The following GATAD2B variants were observed in gnomAD, a reference collection of about 807,000 sequenced individuals.
The protein encoded by GATAD2B is transcriptional repressor p66-beta.
Under a neutral mutation model 64.3 loss-of-function variants are expected in GATAD2B, and 8 were observed. The ratio of observed to expected loss-of-function variants is 0.12; its 90% CI spans 0.07 to 0.22. The LOEUF (loss-of-function observed/expected upper bound fraction) is 0.22, where lower values mean the gene tolerates loss of function less well. Among genes scored for constraint, GATAD2B ranks in the 10% least tolerant of loss-of-function variants. The probability of loss-of-function intolerance (pLI) is 1.00; values close to 1 mark genes in which losing one functional copy is unlikely to be tolerated. For missense variants in GATAD2B, 453 were observed against 752.0 expected (o/e 0.60, Z 4.65); for synonymous variants, 281 against 271.3 (o/e 1.04, Z -0.35).
rs1310200995 is a variant in GATAD2B, at chr1:153,811,847, G to A, written c.1532C>T (p.Ala511Val). The change falls in exon 10 of 11, where the codon GCT (alanine) becomes GTT (valine). Residue 511 changes from alanine to valine, a missense_variant and splice_region_variant. Around this residue, in one of 2 missense-constraint regions of GATAD2B, gnomAD observed 160 missense variants for 334.7 expected, o/e 0.48. Coordinates refer to ENST00000368655, the MANE Select transcript of GATAD2B (RefSeq NM_020699.4). The stretch of plus-strand genomic sequence containing the variant: ...CTGGAGGCTGCTCTGGGGCTGTGGA[G>A]CCTGCAATGATGAGGAGACAGTGGA... ...TIMRHHTLRQ[A>V]PQPQSSLQRG... is the part of the protein sequence containing the mutation. 6.3e-7 allele frequency: 1 copy of A among 1,596,696 alleles called. No individual in the cohort carries two copies. Among genetic ancestry groups the A allele is most frequent in the East Asian group, 2.2e-5 (1 of 44,806 alleles).
chr1:153,831,365 T>C (rs1227895127), intron 1 of GATAD2B, among the ~76,000 whole-genome samples: 3 of 152,062 alleles, frequency 2.0e-5, no homozygotes, highest in Non-Finnish European at 2.9e-5. Context: ...AAGGAGAGCA[T>C]TAGGACAAAT....
intron 1 of GATAD2B, among the ~76,000 whole-genome samples, chr1:153,838,088 C>T (rs7512766): frequency 0.27 from 41,092 of 152,048 alleles, 6,106 homozygotes; most frequent in Admixed American, 0.38. Context: ...AGAGATGTAT[C>T]CCAACTGCAA....
At chr1:153,900,280 G>T (rs977112098) in intron 1 of GATAD2B, among the ~76,000 whole-genome samples, 1 of 151,890 alleles carries the variant, frequency 6.6e-6, no homozygotes, top group African/African-American at 2.4e-5. Context: ...TTAGCTGGAC[G>T]TGGTGGCACG....
chr1:153,856,270 TA>T (rs1676079238), intron 1 of GATAD2B, among the ~76,000 whole-genome samples: 1 of 152,168 alleles, frequency 6.6e-6, no homozygotes, highest in South Asian at 2.1e-4. Context: ...AAACGGAACA[TA>T]TTCACAGGTT....
intron 1 of GATAD2B, among the ~76,000 whole-genome samples, chr1:153,856,511 T>C (rs909865568): frequency 6.6e-6 from 1 of 152,236 alleles, no homozygotes; most frequent in African/African-American, 2.4e-5. Flanking sequence ...TCTATTTTTC[T>C]ATATGCTTAA....
chr1:153,903,284 T>C (rs1463723583), intron 1 of GATAD2B, among the ~76,000 whole-genome samples: 1 of 151,410 alleles, frequency 6.6e-6, no homozygotes, highest in Non-Finnish European at 1.5e-5. Context: ...CAGACCCAAG[T>C]TTTCTCTCTA....
At chr1:153,827,758 C>G (rs1570937666) in intron 2 of GATAD2B, 5 of 517,860 alleles carry the variant, frequency 9.7e-6, no homozygotes, top group East Asian at 9.5e-5. Flanking sequence ...CCTATCAGCT[C>G]TCTAGTGCCC....
intron 1 of GATAD2B, among the ~76,000 whole-genome samples, chr1:153,838,491 G>A (rs1675353287): frequency 6.6e-6 from 1 of 151,990 alleles, no homozygotes; most frequent in Non-Finnish European, 1.5e-5. Context: ...ACTGCAAAGA[G>A]ACGCGCCCTG....
At position 153,820,974 on chromosome 1, in the gene GATAD2B, A is replaced by ATTTTT. The variant is rs869096882; in HGVS notation, c.336-1244_336-1240dup. On this transcript the variant is annotated intron_variant, in intron 2 of 10. Transcript: ENST00000368655. The stretch of plus-strand genomic sequence containing the variant: ...GTCCTAGTTGCTGTTGGCACATGGA[A>ATTTTT]TTTTTTTTTTTTTTTTTTTTTTTTT... Among the ~76,000 whole-genome samples the ATTTTT allele has an allele frequency of 2.2e-3, 114 of 50,864 alleles. 8 individuals carry two copies. The highest frequency in any genetic ancestry group is 9.6e-3 in the African/African-American group (111 of 11,558). The allele number at this position is 50,864 out of a possible 152,430, so 33.4% of individuals were successfully genotyped here.
At chr1:153,911,035 G>A (rs1164037104) in intron 1 of GATAD2B, among the ~76,000 whole-genome samples, 3 of 152,032 alleles carry the variant, frequency 2.0e-5, no homozygotes, top group Non-Finnish European at 2.9e-5. Context: ...AAAATATTTC[G>A]GTTCACAGAA....
intron 1 of GATAD2B, among the ~76,000 whole-genome samples, chr1:153,850,026 A>G (rs1675833475): frequency 6.6e-6 from 1 of 152,110 alleles, no homozygotes; most frequent in Non-Finnish European, 1.5e-5. Context: ...ACTCTTATTC[A>G]TGGTAAATGA....
intron 1 of GATAD2B, among the ~76,000 whole-genome samples, chr1:153,858,991 G>A (rs1289103077): frequency 6.6e-6 from 1 of 152,124 alleles, no homozygotes; most frequent in Non-Finnish European, 1.5e-5. Flanking sequence ...GTCACAGCAA[G>A]GATGTTGCTT....
intron 1 of GATAD2B, among the ~76,000 whole-genome samples, chr1:153,837,458 A>T (rs1675314233): frequency 6.6e-6 from 1 of 152,052 alleles, no homozygotes; most frequent in African/African-American, 2.4e-5. Context: ...ATGGGAACAG[A>T]GTCTCTGGGA....
At position 153,805,590 on chromosome 1, in the gene GATAD2B, C is replaced by T. The variant is rs1235192917; in HGVS notation, c.*4587G>A. The T allele has an allele frequency of 6.6e-6, 1 of 152,168 alleles. No homozygotes were observed. The highest frequency in any genetic ancestry group is 1.5e-5 in the Non-Finnish European group (1 of 68,018). The allele number at this position is 152,168 out of a possible 1,614,324, so 9.4% of individuals were successfully genotyped here. A position where few individuals can be genotyped will look rare whatever the true frequency, so the allele number is the denominator to read the frequency against. On this transcript the variant is annotated 3_prime_UTR_variant, in exon 11 of 11. Coordinates refer to ENST00000368655, the MANE Select transcript of GATAD2B (RefSeq NM_020699.4). ...CCAAGAGCATTGTCATACACATAAC[C>T]ACTTCAACGCGAGTCACTTTCAGTT...
chr1:153,920,022 G>A (rs1678383393), intron 1 of GATAD2B, among the ~76,000 whole-genome samples: 2 of 152,200 alleles, frequency 1.3e-5, no homozygotes, highest in South Asian at 4.1e-4. Flanking sequence ...TAAGTTAAGC[G>A]CAGAGGGGCT....
At chr1:153,865,442 C>CA (rs1475728324) in intron 1 of GATAD2B, among the ~76,000 whole-genome samples, 1 of 152,020 alleles carries the variant, frequency 6.6e-6, no homozygotes, top group Admixed American at 6.6e-5. Flanking sequence ...GCCTAGGTGA[C>CA]AGAGTGAGAC....
At chr1:153,897,092 G>A (rs969230797) in intron 1 of GATAD2B, among the ~76,000 whole-genome samples, 3 of 149,348 alleles carry the variant, frequency 2.0e-5, no homozygotes, top group African/African-American at 2.5e-5. Context: ...GCAGTGGCAC[G>A]ATCTCGGCTC....
At chr1:153,903,112 G>A (rs1408072882) in intron 1 of GATAD2B, among the ~76,000 whole-genome samples, 1 of 152,008 alleles carries the variant, frequency 6.6e-6, no homozygotes, top group Non-Finnish European at 1.5e-5. Context: ...CAGCTACTCG[G>A]GAGGCTGAGG....
intron 1 of GATAD2B, among the ~76,000 whole-genome samples, chr1:153,897,466 AAG>A (rs1378954343): frequency 6.6e-6 from 1 of 152,212 alleles, no homozygotes. Context: ...ATGTGAACAA[AAG>A]AGAGTTACCT....
Sources: allele counts gnomAD v4.1 joint callset (sites outside exome capture counted in the v4.1 genomes callset), GRCh38; gene constraint gnomAD v4.1.1; regional missense constraint gnomAD v4.1.1; transcripts MANE v1.5; gene names NCBI Gene and HGNC (gene_info 2026-07-23, HGNC 2026-07-21).